Variants in ATRN observed in about 807,000 individuals in gnomAD.
The protein encoded by ATRN is attractin.
A neutral mutation model predicts 178.7 loss-of-function variants in ATRN; 54 were observed. That is an observed-to-expected ratio of 0.30 (90% confidence interval 0.24 to 0.38). ATRN has a LOEUF of 0.38. Among genes scored for constraint, ATRN ranks in the 10% least tolerant of loss-of-function variants. The pLI is 1.00. For missense variants in ATRN, 1,443 were observed against 1,815.1 expected (o/e 0.79, Z 3.73); for synonymous variants, 636 against 663.0 (o/e 0.96, Z 0.63).
intron 4 of ATRN, among the ~76,000 whole-genome samples, chr20:3,546,389 G>GTTTTTTT (rs559052230): frequency 1.8e-5 from 2 of 113,416 alleles, no homozygotes; most frequent in Non-Finnish European, 3.6e-5. Context: ...TAGTTCAACT[G>GTTTTTTT]TTTTTTTTTT....
intron 27 of ATRN, among the ~76,000 whole-genome samples, chr20:3,641,715 C>T (rs1191723036): frequency 1.3e-5 from 2 of 151,780 alleles, no homozygotes; most frequent in South Asian, 2.1e-4. Context: ...AAGAAACCTC[C>T]CCACCTAGAA....
intron 12 of ATRN, among the ~76,000 whole-genome samples, chr20:3,574,025 A>G (rs1880803553): frequency 6.6e-6 from 1 of 152,122 alleles, no homozygotes; most frequent in African/African-American, 2.4e-5. Context: ...GGCGTGAGCT[A>G]CTGTACATGG....
chr20:3,591,257 C>T lies in ATRN; in HGVS notation c.3273C>T (p.Thr1091=), dbSNP rs1681471492. The T allele has an allele frequency of 2.5e-6, 4 of 1,614,194 alleles. No homozygotes were observed. ...ENLTTGKHCE[T]CISGFYGDPT... ...TGACCACAGGCAAGCACTGCGAGAC[C>T]TGCATATCTGGCTTCTACGGTGATC... The change falls in exon 19 of 29, where the codon ACC becomes ACT. Residue 1091 remains threonine, a synonymous_variant. Coordinates refer to ENST00000262919, the MANE Select transcript of ATRN (RefSeq NM_139321.3).
Position 3,578,798 on chromosome 20 carries a change from G to A in ATRN, c.2544+26G>A, listed in dbSNP as rs1195360464. The A allele has an allele frequency of 3.1e-6, 5 of 1,594,280 alleles. No homozygotes were observed. The Admixed American group carries it at 6.9e-5, about 22-fold the overall frequency. On this transcript the variant is annotated intron_variant, in intron 15 of 28. Transcript: ENST00000262919. ...GTGAGTTAAAATCCTCAAAACTTAAGTTTCTGGTTATCCACCTTTCTACCA... is the reference window on the plus strand; with the variant it reads ...GTGAGTTAAAATCCTCAAAACTTAAATTTCTGGTTATCCACCTTTCTACCA...
At chr20:3,564,264 T>C (rs921295527) in intron 10 of ATRN, among the ~76,000 whole-genome samples, 2 of 152,190 alleles carry the variant, frequency 1.3e-5, no homozygotes, top group African/African-American at 4.8e-5. Flanking sequence ...CTGAAAAGAA[T>C]GTATGAGAGC....
chr20:3,635,460 T>G (rs2087018795), intron 26 of ATRN, among the ~76,000 whole-genome samples: 1 of 152,212 alleles, frequency 6.6e-6, no homozygotes, highest in Non-Finnish European at 1.5e-5. Context: ...AACTTTCACT[T>G]GCATCATTAC....
At chr20:3,549,758 G>A (rs992809587) in intron 6 of ATRN, among the ~76,000 whole-genome samples, 2 of 152,170 alleles carry the variant, frequency 1.3e-5, no homozygotes, top group Admixed American at 6.5e-5. Flanking sequence ...TCATTTTGAA[G>A]GGAGAATATG....
At chr20:3,539,012 A>G (rs1184802041) in intron 2 of ATRN, among the ~76,000 whole-genome samples, 4 of 152,136 alleles carry the variant, frequency 2.6e-5, no homozygotes, top group Non-Finnish European at 5.9e-5. Flanking sequence ...TTACTGGCCT[A>G]TCTCCCTACG....
At chr20:3,506,957 T>C (rs1407382523) in intron 1 of ATRN, among the ~76,000 whole-genome samples, 3 of 151,814 alleles carry the variant, frequency 2.0e-5, no homozygotes, top group African/African-American at 7.3e-5. Context: ...CTATAAGATA[T>C]GTTGGGAAAA....
chr20:3,591,803 T>A (rs2086447443), intron 19 of ATRN, among the ~76,000 whole-genome samples: 1 of 151,704 alleles, frequency 6.6e-6, no homozygotes, highest in Non-Finnish European at 1.5e-5. Context: ...TTCCCCCTCC[T>A]CCCCCCATCA....
intron 2 of ATRN, among the ~76,000 whole-genome samples, chr20:3,536,074 TC>T (rs1464869937): frequency 6.6e-6 from 1 of 152,166 alleles, no homozygotes. Context: ...ACCCACTGTG[TC>T]CCTCTGGCTG....
chr20:3,551,248 A>T (rs1321693464), intron 6 of ATRN, among the ~76,000 whole-genome samples: 1 of 152,138 alleles, frequency 6.6e-6, no homozygotes, highest in Non-Finnish European at 1.5e-5. Context: ...CAGTTTTAGC[A>T]CTGAGTCTTG....
intron 1 of ATRN, among the ~76,000 whole-genome samples, chr20:3,474,099 A>G (rs2084475971): frequency 6.6e-6 from 1 of 152,140 alleles, no homozygotes; most frequent in Non-Finnish European, 1.5e-5. Context: ...GGAGTCATCG[A>G]CCTATGAGGG....
At chr20:3,512,672 G>A (rs1258168576) in intron 1 of ATRN, among the ~76,000 whole-genome samples, 2 of 152,152 alleles carry the variant, frequency 1.3e-5, no homozygotes, top group African/African-American at 4.8e-5. Flanking sequence ...AGATCCCTGA[G>A]GAATCGCCAC....
Position 3,638,896 on chromosome 20 carries a change from A to G in ATRN, c.4011A>G (p.Thr1337=). 2 of 1,614,206 alleles carry G rather than the reference A, an allele frequency of 1.2e-6. No individual in the cohort carries two copies. Among genetic ancestry groups the G allele is most frequent in the Non-Finnish European group, 8.5e-7 (1 of 1,180,036 alleles). ...PFASVNVALE[T]DEEPPDLIGG... Reference sequence around the variant, plus strand: ...CCTCTGTAAATGTCGCCTTGGAAACAGATGAGGAGCCTCCTGATCTTATTG... The same window carrying G: ...CCTCTGTAAATGTCGCCTTGGAAACGGATGAGGAGCCTCCTGATCTTATTG... Residue 1337 remains threonine, a synonymous_variant, in exon 27 of 29, where the codon ACA becomes ACG. Coordinates refer to ENST00000262919, the MANE Select transcript of ATRN (RefSeq NM_139321.3). The surrounding 1 kb of genome is among the most constrained non-coding windows in gnomAD (Gnocchi z 4.5).
rs2086602031 is a variant in ATRN at position 3,601,110 on chromosome 20, G to A, written c.3643+86G>A. ...ATAGGAATTGAGAAAGCGAGCTCAGGAGACAGATTGGTTTGAAACCCACCC... is the reference window on the plus strand; with the variant it reads ...ATAGGAATTGAGAAAGCGAGCTCAGAAGACAGATTGGTTTGAAACCCACCC... On this transcript the variant is annotated intron_variant, in intron 23 of 28. Coordinates refer to ENST00000262919, the MANE Select transcript of ATRN (RefSeq NM_139321.3). 1.3e-5 allele frequency: 17 copies of A among 1,291,694 alleles called. No homozygotes were observed. In the South Asian group the frequency reaches 1.9e-4, roughly 15 times the overall value. The allele number at this position is 1,291,694 out of a possible 1,614,324, so 80.0% of individuals were successfully genotyped here.
At chr20:3,557,672 T>C (rs1345300000) in intron 6 of ATRN, among the ~76,000 whole-genome samples, 1 of 152,246 alleles carries the variant, frequency 6.6e-6, no homozygotes, top group Non-Finnish European at 1.5e-5. Flanking sequence ...ATGGAATTAC[T>C]GTTATTGAAT....
chr20:3,497,700 T>C (rs868585459), intron 1 of ATRN, among the ~76,000 whole-genome samples: 6,019 of 152,184 alleles, frequency 0.04, 161 homozygotes, highest in Non-Finnish European at 0.057. Flanking sequence ...TGAATCTGAA[T>C]GTTGGCCTGC....
intron 6 of ATRN, among the ~76,000 whole-genome samples, chr20:3,556,143 C>A (rs963418122): frequency 3.3e-5 from 5 of 152,010 alleles, no homozygotes; most frequent in Admixed American, 6.6e-5. Flanking sequence ...GGGAAAAAAA[C>A]CAGAAAAGCA....
Sources: allele counts gnomAD v4.1 joint callset (sites outside exome capture counted in the v4.1 genomes callset), GRCh38; gene constraint gnomAD v4.1.1; non-coding constraint Gnocchi (gnomAD v3.1); transcripts MANE v1.5; gene names NCBI Gene and HGNC (gene_info 2026-07-23, HGNC 2026-07-21).